SEH1L: variants seen among roughly 807,000 people sequenced by gnomAD.
The protein encoded by SEH1L is SEH1 like nucleoporin, also known as nucleoporin SEH1.
Under a neutral mutation model 49.5 loss-of-function variants are expected in SEH1L, and 18 were observed. The ratio of observed to expected loss-of-function variants is 0.36; its 90% confidence interval spans 0.25 to 0.54. The LOEUF is 0.54. Among genes scored for constraint, SEH1L ranks in the 20% least tolerant of loss-of-function variants. The probability of loss-of-function intolerance (pLI) is 0.87; values close to 1 mark genes in which losing one functional copy is unlikely to be tolerated. For synonymous variants in SEH1L, 169 were observed against 178.1 expected, an observed-to-expected ratio of 0.95 and a Z score of 0.41; for missense variants, 404 against 528.8, an observed-to-expected ratio of 0.76 and a Z score of 2.31.
chr18:12,950,875 A>T (rs2030480598), intron 1 of SEH1L, among the ~76,000 whole-genome samples: 1 of 152,146 alleles, frequency 6.6e-6, no homozygotes, highest in Non-Finnish European at 1.5e-5. Flanking sequence ...GCTGGAGTGC[A>T]GTGGCTATTC....
At chr18:12,961,359 C>G (rs1190451095) in intron 3 of SEH1L, among the ~76,000 whole-genome samples, 1 of 152,212 alleles carries the variant, frequency 6.6e-6, no homozygotes, top group Non-Finnish European at 1.5e-5. Flanking sequence ...TTCCCTGGCA[C>G]TGGCTGCAAC....
At chr18:12,964,098 T>C (rs553423685) in intron 4 of SEH1L, among the ~76,000 whole-genome samples, 2 of 152,374 alleles carry the variant, frequency 1.3e-5, no homozygotes, top group East Asian at 3.9e-4. Flanking sequence ...TTAATATATC[T>C]AGTCTTACCT....
chr18:12,976,817 A>T (rs574232085), intron 5 of SEH1L: 1 of 151,964 alleles, frequency 6.6e-6, no homozygotes. Context: ...TACAAAAAAA[A>T]CAAAAAACAT....
At chr18:12,962,031 T>G (rs1039971736) in intron 3 of SEH1L, among the ~76,000 whole-genome samples, 1 of 152,206 alleles carries the variant, frequency 6.6e-6, no homozygotes, top group Non-Finnish European at 1.5e-5. Flanking sequence ...AAATGTGATG[T>G]TGGAATTTTA....
At chr18:12,950,316 G>A (rs553766205) in intron 1 of SEH1L, among the ~76,000 whole-genome samples, 169 of 152,302 alleles carry the variant, frequency 1.1e-3, no homozygotes, top group African/African-American at 3.8e-3. Context: ...GATTACAGGT[G>A]TGAGTCACCT....
chr18:12,986,523 G>C (rs147975103), intron 8 of SEH1L: 49 of 974,910 alleles, frequency 5.0e-5, no homozygotes, highest in African/African-American at 1.0e-4. Context: ...AATAGCATCA[G>C]ATGTTTCTGA....
chr18:12,986,693 A>G, intron 8 of SEH1L, 169 bp from the exon 9 acceptor site: 3 of 1,262,436 alleles, frequency 2.4e-6, no homozygotes, highest in Non-Finnish European at 3.0e-6. Context: ...TTGTGCTATT[A>G]TGTTCTGTTA....
In SEH1L at chr18:12,978,902, A is replaced by T; in HGVS notation, c.761+10A>T. ...CATTAAAGCCTGTGAGGTGAGTTTT[A>T]GAAGCATTTATGAATTTGAAAATAC... On this transcript the variant is annotated intron_variant, in intron 6 of 8. Coordinates refer to ENST00000399892, the MANE Select transcript of SEH1L (RefSeq NM_001013437.2). 2 of 1,612,494 alleles carry T rather than the reference A, an allele frequency of 1.2e-6. No individual in the cohort carries two copies. Among genetic ancestry groups the T allele is most frequent in the South Asian group, 2.2e-5 (2 of 91,014 alleles).
intron 5 of SEH1L, among the ~76,000 whole-genome samples, chr18:12,974,860 G>T (rs2031851397): frequency 6.6e-6 from 1 of 152,172 alleles, no homozygotes; most frequent in Non-Finnish European, 1.5e-5. Flanking sequence ...TGAATGACTA[G>T]TCTAAGGTCC....
intron 8 of SEH1L, chr18:12,985,324 CT>C: frequency 1.3e-6 from 2 of 1,572,160 alleles, no homozygotes; most frequent in Admixed American, 1.9e-5. Context: ...AAGCGAGCTC[CT>C]TTTCCCCTTC....
chr18:12,951,016 T>G (rs1344480971), intron 1 of SEH1L, among the ~76,000 whole-genome samples: 1 of 152,154 alleles, frequency 6.6e-6, no homozygotes. Context: ...ATTTGTTACA[T>G]GTACAGTTGA....
intron 1 of SEH1L, among the ~76,000 whole-genome samples, chr18:12,949,556 C>G (rs953287623): frequency 1.2e-4 from 17 of 145,808 alleles, no homozygotes; most frequent in African/African-American, 4.1e-4. Flanking sequence ...GGGTTCACGC[C>G]ATTCTCCTGC....
chr18:12,953,999 C>T (rs1267100365), intron 2 of SEH1L, among the ~76,000 whole-genome samples: 2 of 151,708 alleles, frequency 1.3e-5, no homozygotes, highest in Non-Finnish European at 2.9e-5. Context: ...ACTTATCTGC[C>T]TTAGTGTGCA....
chr18:12,980,370 G>T lies in SEH1L; in HGVS notation c.761+1478G>T, dbSNP rs865948032. Reference sequence around the variant, plus strand: ...GACAGGGCGGCTGGCAGGGCGGGGGGCTGACCCCCCCACCTCCCTCCCGGA... The same window carrying T: ...GACAGGGCGGCTGGCAGGGCGGGGGTCTGACCCCCCCACCTCCCTCCCGGA... On this transcript the variant is annotated intron_variant, in intron 6 of 8. Coordinates refer to ENST00000399892, the MANE Select transcript of SEH1L (RefSeq NM_001013437.2). Among the ~76,000 whole-genome samples the T allele has an allele frequency of 8.3e-3, 1,031 of 123,498 alleles. 19 individuals are homozygous for T. The highest frequency in any genetic ancestry group is 0.013 in the Non-Finnish European group (725 of 57,206). 81.0% of individuals were successfully genotyped at this position (123,498 alleles called of 152,430 possible). A position where few individuals can be genotyped will look rare whatever the true frequency, so the allele number is the denominator to read the frequency against.
At position 12,948,147 on chromosome 18, in the gene SEH1L, C is replaced by T. The variant is rs139733316; in HGVS notation, c.26C>T (p.Ala9Val). The change falls in exon 1 of 9, where the codon GCG (alanine) becomes GTG (valine). Residue 9 changes from alanine to valine, a missense_variant. Ala to Val is a moderately conservative substitution (Grantham distance 64, BLOSUM62 0). This residue lies in a region of SEH1L where 57 missense variants were observed against 71.9 expected (regional missense o/e 0.79). Coordinates refer to ENST00000399892, the MANE Select transcript of SEH1L (RefSeq NM_001013437.2). MFVARSIA[A>V]DHKDLIHDVS... ...ATGTTTGTGGCTCGCAGCATCGCGG[C>T]GGACCACAAGGATCTCATCCACGAT... The T allele has an allele frequency of 1.6e-5, 26 of 1,609,180 alleles. No individual in the cohort carries two copies. In the African/African-American group the frequency reaches 2.7e-4, roughly 17 times the overall value.
At chr18:12,952,749 CT>C (rs1434069639) in intron 2 of SEH1L, among the ~76,000 whole-genome samples, 1 of 151,048 alleles carries the variant, frequency 6.6e-6, no homozygotes, top group Non-Finnish European at 1.5e-5. Context: ...TGCCCTCCCT[CT>C]CCCCTCCCCT....
intron 1 of SEH1L, among the ~76,000 whole-genome samples, chr18:12,949,083 A>G (rs2030325895): frequency 6.7e-6 from 1 of 149,610 alleles, no homozygotes; most frequent in Admixed American, 6.6e-5. Context: ...CTGGTCTCGA[A>G]CTCCTGACCT....
intron 8 of SEH1L, 135 bp from the exon 9 acceptor site, chr18:12,986,727 C>CTTT (rs34381701): frequency 5.0e-6 from 5 of 1,005,734 alleles, no homozygotes; most frequent in Admixed American, 4.9e-5. Context: ...TATACTAAAG[C>CTTT]TTTTTTTTTT....
intron 1 of SEH1L, chr18:12,948,671 G>A (rs1203869042): frequency 6.3e-6 from 1 of 158,482 alleles, no homozygotes; most frequent in Non-Finnish European, 1.4e-5. Flanking sequence ...CTCTCACCAG[G>A]GCACATGGTT....
Sources: allele counts gnomAD v4.1 joint callset (sites outside exome capture counted in the v4.1 genomes callset), GRCh38; gene constraint gnomAD v4.1.1; regional missense constraint gnomAD v4.1.1; transcripts MANE v1.5; gene names NCBI Gene and HGNC (gene_info 2026-07-23, HGNC 2026-07-21).